SPAG16: variants seen among roughly 807,000 people sequenced by gnomAD.
SPAG16 encodes the protein sperm associated antigen 16, also known as sperm-associated antigen 16 protein.
In SPAG16, 86 loss-of-function variants were observed where a neutral mutation model predicts 80.4. That is an observed-to-expected ratio of 1.07 (90% CI 0.90 to 1.28). The LOEUF (loss-of-function observed/expected upper bound fraction) is 1.28, where lower values mean the gene tolerates loss of function less well. Among genes scored for constraint, SPAG16 ranks in the 50% most tolerant of loss-of-function variants. The pLI is 0.00. For missense variants in SPAG16, 870 were observed against 765.3 expected (o/e 1.14, Z -1.61); for synonymous variants, 294 against 265.9 (o/e 1.11, Z -1.03).
chr2:213,540,878 G>A (rs1460030647), intron 10 of SPAG16, among the ~76,000 whole-genome samples: 2 of 152,210 alleles, frequency 1.3e-5, no homozygotes, highest in Admixed American at 6.5e-5. Context: ...CAGTACACTC[G>A]GGTTACATAC....
At chr2:213,928,118 C>T (rs1575575176) in intron 11 of SPAG16, among the ~76,000 whole-genome samples, 1 of 152,074 alleles carries the variant, frequency 6.6e-6, no homozygotes. Flanking sequence ...GAGATGGAGT[C>T]GCAGTCCCCC....
At chr2:213,816,457 GA>G (rs1386237908) in intron 10 of SPAG16, among the ~76,000 whole-genome samples, 2 of 151,956 alleles carry the variant, frequency 1.3e-5, no homozygotes, top group African/African-American at 4.8e-5. Context: ...TAGATCGTAG[GA>G]CATGCACATA....
At chr2:213,726,748 G>A (rs1309390978) in intron 10 of SPAG16, among the ~76,000 whole-genome samples, 1 of 152,164 alleles carries the variant, frequency 6.6e-6, no homozygotes, top group Non-Finnish European at 1.5e-5. Context: ...CATATGGATT[G>A]TTTTAAAATA....
At chr2:213,990,838 G>A (rs1352124276) in intron 12 of SPAG16, among the ~76,000 whole-genome samples, 1 of 151,970 alleles carries the variant, frequency 6.6e-6, no homozygotes, top group Non-Finnish European at 1.5e-5. Context: ...TGAAAAAAGT[G>A]CCCCATATGG....
intron 13 of SPAG16, among the ~76,000 whole-genome samples, chr2:214,054,559 A>G (rs1048723537): frequency 6.6e-6 from 1 of 152,204 alleles, no homozygotes; most frequent in African/African-American, 2.4e-5. Flanking sequence ...GAAAATATCC[A>G]CCAAATTATT....
chr2:213,468,670 G>A (rs867885376), intron 9 of SPAG16, among the ~76,000 whole-genome samples: 35 of 145,690 alleles, frequency 2.4e-4, no homozygotes, highest in South Asian at 4.3e-4. Context: ...GTGTGTGTGT[G>A]TATATATATG....
chr2:213,406,948 A>G (rs2125368213), intron 9 of SPAG16, among the ~76,000 whole-genome samples: 1 of 151,914 alleles, frequency 6.6e-6, no homozygotes, highest in Non-Finnish European at 1.5e-5. Context: ...AAAAAAAAAA[A>G]AAAAAAAAAG....
intron 9 of SPAG16, among the ~76,000 whole-genome samples, chr2:213,489,604 C>T (rs1006652731): frequency 5.3e-5 from 8 of 151,952 alleles, no homozygotes; most frequent in Non-Finnish European, 1.0e-4. Flanking sequence ...TGTAGACTTT[C>T]GACTGCTGAC....
chr2:213,835,201 A>C (rs1161378822), intron 10 of SPAG16, among the ~76,000 whole-genome samples: 2 of 152,156 alleles, frequency 1.3e-5, no homozygotes, highest in African/African-American at 4.8e-5. Flanking sequence ...ATGCTGAACC[A>C]AGATTGGAAT....
At chr2:213,679,860 C>A (rs974761486) in intron 10 of SPAG16, among the ~76,000 whole-genome samples, 1 of 151,998 alleles carries the variant, frequency 6.6e-6, no homozygotes, top group Non-Finnish European at 1.5e-5. Flanking sequence ...ACAGGAAGCA[C>A]CCATAGACTT....
At chr2:214,069,104 A>G (rs2050665766) in intron 13 of SPAG16, among the ~76,000 whole-genome samples, 2 of 152,068 alleles carry the variant, frequency 1.3e-5, no homozygotes, top group African/African-American at 4.8e-5. Flanking sequence ...CCCTTCCACA[A>G]ATTTTCTGTG....
intron 15 of SPAG16, among the ~76,000 whole-genome samples, chr2:214,370,737 A>T (rs1246902205): frequency 6.6e-6 from 1 of 152,188 alleles, no homozygotes; most frequent in African/African-American, 2.4e-5. Context: ...GGGTGGAGGA[A>T]ATGGAGAGAC....
At chr2:214,218,058 G>A (rs1559135926) in intron 15 of SPAG16, among the ~76,000 whole-genome samples, 1 of 152,064 alleles carries the variant, frequency 6.6e-6, no homozygotes, top group South Asian at 2.1e-4. Context: ...ATAAACAAAT[G>A]TTTTATGGAA....
At chr2:214,395,473 ATCTG>A (rs888929066) in intron 15 of SPAG16, among the ~76,000 whole-genome samples, 5 of 152,096 alleles carry the variant, frequency 3.3e-5, no homozygotes, top group African/African-American at 1.2e-4. Context: ...CTTATTCACC[ATCTG>A]TCTATCTTCT....
chr2:213,859,194 AAAAAAAAAAAAAAAAAAAAAAAC>A (rs1303163738), intron 10 of SPAG16, among the ~76,000 whole-genome samples: 10 of 135,548 alleles, frequency 7.4e-5, no homozygotes, highest in South Asian at 4.8e-4. Context: ...AAAAAAAAAA[AAAAAAAAAAAAAAAAAAAAAAAC>A]TCAATGTCCT....
At chr2:213,407,763 A>AGGAAGAGAGACAG (rs1253350024) in intron 9 of SPAG16, among the ~76,000 whole-genome samples, 2 of 139,412 alleles carry the variant, frequency 1.4e-5, no homozygotes, top group African/African-American at 5.3e-5. Context: ...GAGAGACAGG[A>AGGAAGAGAGACAG]GAGAGGCAGA....
chr2:213,822,478 A>C (rs2073005140), intron 10 of SPAG16, among the ~76,000 whole-genome samples: 1 of 152,078 alleles, frequency 6.6e-6, no homozygotes, highest in East Asian at 1.9e-4. Flanking sequence ...CTATTCTGTT[A>C]GTTGACTCTT....
intron 10 of SPAG16, among the ~76,000 whole-genome samples, chr2:213,508,640 C>T (rs1253978461): frequency 2.0e-5 from 3 of 152,130 alleles, no homozygotes; most frequent in Non-Finnish European, 4.4e-5. Context: ...AGCTGGAAAC[C>T]ATCATTCACA....
At chr2:214,378,073 A>G (rs1700237935) in intron 15 of SPAG16, among the ~76,000 whole-genome samples, 1 of 152,158 alleles carries the variant, frequency 6.6e-6, no homozygotes, top group Non-Finnish European at 1.5e-5. Flanking sequence ...AGGGCCGTAA[A>G]CCAAGGAATG....
Sources: allele counts gnomAD v4.1 joint callset (sites outside exome capture counted in the v4.1 genomes callset), GRCh38; gene constraint gnomAD v4.1.1; transcripts MANE v1.5; gene names NCBI Gene and HGNC (gene_info 2026-07-23, HGNC 2026-07-21).